Variants in KCNIP1 observed in about 807,000 individuals in gnomAD.
KCNIP1 encodes A-type potassium channel modulatory protein KCNIP1.
A neutral mutation model predicts 33.0 loss-of-function variants in KCNIP1; 18 were observed. The ratio of observed to expected loss-of-function variants is 0.55; its 90% confidence interval spans 0.38 to 0.81. The LOEUF is 0.81. Among genes scored for constraint, KCNIP1 ranks in the 30% least tolerant of loss-of-function variants. The pLI is 0.00. For synonymous variants in KCNIP1, 93 were observed against 98.3 expected (o/e 0.95, Z 0.32); for missense variants, 238 against 271.6 (o/e 0.88, Z 0.87).
chr5:170,389,956 C>T (rs905762937), intron 1 of KCNIP1, among the ~76,000 whole-genome samples: 5 of 152,094 alleles, frequency 3.3e-5, no homozygotes, highest in African/African-American at 4.8e-5. Flanking sequence ...GAGTTAGAGA[C>T]GGTGGGGATT....
At chr5:170,416,580 A>G (rs1275891435) in intron 1 of KCNIP1, among the ~76,000 whole-genome samples, 1 of 152,020 alleles carries the variant, frequency 6.6e-6, no homozygotes, top group Non-Finnish European at 1.5e-5. Flanking sequence ...CGAAAAAGCT[A>G]CATTTCTGCA....
intron 6 of KCNIP1, 66 bp from the exon 7 acceptor site, chr5:170,733,770 C>A: frequency 7.6e-7 from 1 of 1,311,096 alleles, no homozygotes; most frequent in Admixed American, 1.7e-5. Flanking sequence ...AGCAAGAAAG[C>A]AGGGGAGTAA....
chr5:170,547,087 TG>T (rs1434212114), intron 1 of KCNIP1, among the ~76,000 whole-genome samples: 2 of 152,248 alleles, frequency 1.3e-5, no homozygotes, highest in Non-Finnish European at 2.9e-5. Flanking sequence ...CCTCTGCCTC[TG>T]GCTTTCATTG....
At chr5:170,679,537 C>T (rs1434227057) in intron 1 of KCNIP1, among the ~76,000 whole-genome samples, 1 of 152,080 alleles carries the variant, frequency 6.6e-6, no homozygotes, top group African/African-American at 2.4e-5. Flanking sequence ...AACAGTCACC[C>T]TCTGAACCCA....
rs1763783160 is a variant in KCNIP1 at position 170,720,538 on chromosome 5, G to A, written c.256+148G>A. 4.4e-6 allele frequency: 3 copies of A among 679,336 alleles called. No homozygotes were observed. The Middle Eastern group carries it at 7.4e-4, about 168-fold the overall frequency. The allele number at this position is 679,336 out of a possible 1,614,324, so 42.1% of individuals were successfully genotyped here. On this transcript the variant is annotated intron_variant, in intron 3 of 7. Coordinates refer to ENST00000328939, the MANE Select transcript of KCNIP1 (RefSeq NM_014592.4). ...GGACACCTCCCTCATCGTGAGAGGT[G>A]GGAGTCTCCAAAGCTTTAGCAGGAA...
chr5:170,453,299 G>T (rs1026169894), intron 1 of KCNIP1, among the ~76,000 whole-genome samples: 2 of 152,298 alleles, frequency 1.3e-5, no homozygotes, highest in Middle Eastern at 3.4e-3. Context: ...TTAGAGAAGT[G>T]GCCTCTATTT....
intron 1 of KCNIP1, among the ~76,000 whole-genome samples, chr5:170,419,296 C>T (rs1161381465): frequency 1.3e-5 from 2 of 152,128 alleles, no homozygotes; most frequent in East Asian, 3.9e-4. Context: ...ACCCCGATGC[C>T]ATCAGCAGGG....
chr5:170,533,401 T>C (rs1459083887), intron 1 of KCNIP1, among the ~76,000 whole-genome samples: 1 of 152,204 alleles, frequency 6.6e-6, no homozygotes, highest in African/African-American at 2.4e-5. Context: ...GGTACTGTTT[T>C]TATCCTGATC....
chr5:170,696,485 C>T (rs1581512815), intron 1 of KCNIP1, among the ~76,000 whole-genome samples: 1 of 152,248 alleles, frequency 6.6e-6, no homozygotes, highest in South Asian at 2.1e-4. Context: ...GGGGTCTTGT[C>T]ACATTGATAC....
At chr5:170,637,974 C>T (rs1441442146) in intron 1 of KCNIP1, among the ~76,000 whole-genome samples, 1 of 150,778 alleles carries the variant, frequency 6.6e-6, no homozygotes, top group African/African-American at 2.4e-5. Context: ...TGTCATTCTC[C>T]ACCCTCCCAG....
At chr5:170,566,118 T>C (rs9687875) in intron 1 of KCNIP1, among the ~76,000 whole-genome samples, 97,987 of 151,816 alleles carry the variant, frequency 0.65, 32,259 homozygotes, top group African/African-American at 0.78. Context: ...AACCTCTGCC[T>C]CCCGGGTTCA....
chr5:170,723,302 A>G (rs542282082), intron 5 of KCNIP1, among the ~76,000 whole-genome samples: 1 of 152,328 alleles, frequency 6.6e-6, no homozygotes, highest in African/African-American at 2.4e-5. Context: ...TGGAAGGTAC[A>G]GCTGTCTTTA....
At chr5:170,722,182 T>TTAATTAATAC (rs1763847913) in intron 4 of KCNIP1, among the ~76,000 whole-genome samples, 1 of 152,204 alleles carries the variant, frequency 6.6e-6, no homozygotes, top group East Asian at 1.9e-4. Flanking sequence ...GGGCTTTGTA[T>TTAATTAATAC]GTATTAATTC....
At chr5:170,365,188 T>C (rs1236014323) in intron 1 of KCNIP1, among the ~76,000 whole-genome samples, 3 of 152,124 alleles carry the variant, frequency 2.0e-5, no homozygotes, top group Non-Finnish European at 2.9e-5. Flanking sequence ...AGCTGGCAGA[T>C]GAGGAACCTG....
intron 1 of KCNIP1, among the ~76,000 whole-genome samples, chr5:170,624,723 C>CAG (rs1461838430): frequency 5.8e-5 from 2 of 34,614 alleles, no homozygotes; most frequent in African/African-American, 1.4e-4. Context: ...GGAAAGGAGA[C>CAG]CGGGGAGGTG....
intron 1 of KCNIP1, among the ~76,000 whole-genome samples, chr5:170,627,402 C>T (rs1759873675): frequency 6.6e-6 from 1 of 152,258 alleles, no homozygotes; most frequent in South Asian, 2.1e-4. Context: ...CCCTGGTTTG[C>T]CTGACCCCAC....
At chr5:170,493,575 G>GC (rs1757251191) in intron 1 of KCNIP1, among the ~76,000 whole-genome samples, 1 of 152,158 alleles carries the variant, frequency 6.6e-6, no homozygotes, top group Non-Finnish European at 1.5e-5. Flanking sequence ...GCCCATAGAT[G>GC]GGGTTAGTGA....
At chr5:170,598,073 G>A (rs1302286004) in intron 1 of KCNIP1, among the ~76,000 whole-genome samples, 2 of 152,100 alleles carry the variant, frequency 1.3e-5, no homozygotes, top group Non-Finnish European at 2.9e-5. Flanking sequence ...CTTCAGATCG[G>A]AACAAATCAC....
At chr5:170,703,808 C>T (rs1305680381) in intron 1 of KCNIP1, among the ~76,000 whole-genome samples, 6 of 137,836 alleles carry the variant, frequency 4.4e-5, no homozygotes, top group Non-Finnish European at 9.1e-5. Context: ...GCTACATACA[C>T]ACTTTTAGCA....
Sources: gnomAD v4.1 joint callset for allele counts (sites outside exome capture counted in the v4.1 genomes callset) on GRCh38, gnomAD v4.1.1 for gene constraint, MANE v1.5 for transcripts, NCBI Gene and HGNC (gene_info 2026-07-23, HGNC 2026-07-21) for gene names.